The following PRELID2 variants were observed in gnomAD, a reference collection of about 807,000 sequenced individuals.
PRELID2 encodes the protein PRELI domain containing 2, also known as PRELI domain-containing protein 2.
PRELID2 carries 25 observed loss-of-function variants against 28.4 expected under a neutral mutation model. That is an observed-to-expected ratio of 0.88 (90% CI 0.64 to 1.23). The LOEUF (loss-of-function observed/expected upper bound fraction) is 1.23, where lower values mean the gene tolerates loss of function less well. PRELID2 is among the 50% of genes most tolerant of loss of function. The pLI, the probability that PRELID2 is intolerant of heterozygous loss-of-function variation, is 0.00. For missense variants in PRELID2, 201 were observed against 214.4 expected (o/e 0.94, Z 0.39); for synonymous variants, 76 against 71.6 (o/e 1.06, Z -0.31).
At chr5:145,409,564 T>C in the PRELID2 span, among the ~76,000 whole-genome samples, 1 of 151,590 alleles carries the variant, frequency 6.6e-6, no homozygotes, top group African/African-American at 2.4e-5. Context: ...AAACAAGCAA[T>C]AGTAGCTATT....
the PRELID2 span, among the ~76,000 whole-genome samples, chr5:145,382,015 G>T: frequency 2.6e-5 from 4 of 151,324 alleles, no homozygotes; most frequent in African/African-American, 9.7e-5. Flanking sequence ...ACTTTAAAGT[G>T]GGGGGTAGTC....
chr5:145,653,791 A>C (rs1166349045), intron 1 of PRELID2, among the ~76,000 whole-genome samples: 1 of 152,226 alleles, frequency 6.6e-6, no homozygotes, highest in Non-Finnish European at 1.5e-5. Context: ...CCACAAGAGA[A>C]AGCAGGAAAG....
chr5:145,591,590 T>A (rs1753227722), intron 1 of PRELID2, among the ~76,000 whole-genome samples: 1 of 152,152 alleles, frequency 6.6e-6, no homozygotes, highest in Non-Finnish European at 1.5e-5. Flanking sequence ...GCACTTTAGC[T>A]GACAAAAATG....
At chr5:145,446,891 A>G in the PRELID2 span, among the ~76,000 whole-genome samples, 1 of 151,870 alleles carries the variant, frequency 6.6e-6, no homozygotes, top group Admixed American at 6.6e-5. Context: ...TACTAGAAAT[A>G]CAAAATTAGC....
chr5:145,648,158 A>G (rs1386099137), intron 1 of PRELID2, among the ~76,000 whole-genome samples: 1 of 152,238 alleles, frequency 6.6e-6, no homozygotes, highest in African/African-American at 2.4e-5. Flanking sequence ...TAGTTCAGTA[A>G]GTCCCTAAAC....
At chr5:145,253,499 C>T in the PRELID2 span, among the ~76,000 whole-genome samples, 1 of 152,036 alleles carries the variant, frequency 6.6e-6, no homozygotes. Flanking sequence ...CATCTGACAT[C>T]CATGCTTTTT....
intron 1 of PRELID2, among the ~76,000 whole-genome samples, chr5:145,631,957 G>GA (rs546471827): frequency 6.6e-6 from 1 of 152,170 alleles, no homozygotes; most frequent in Non-Finnish European, 1.5e-5. Context: ...ATCAGTCTTT[G>GA]AAAATCTGGC....
chr5:145,275,287 G>A, the PRELID2 span, among the ~76,000 whole-genome samples: 3 of 152,064 alleles, frequency 2.0e-5, no homozygotes, highest in African/African-American at 7.2e-5. Flanking sequence ...GAGATGGGGG[G>A]AAGACAGGCA....
At chr5:145,796,195 G>C (rs748789854) in intron 5 of PRELID2, 3 of 313,696 alleles carry the variant, frequency 9.6e-6, no homozygotes, top group Admixed American at 9.4e-5. Context: ...TAGATTATAA[G>C]TATGCTCCAA....
intron 1 of PRELID2, among the ~76,000 whole-genome samples, chr5:145,474,232 C>T (rs892824622): frequency 9.9e-5 from 15 of 152,190 alleles, no homozygotes; most frequent in African/African-American, 2.9e-4. Flanking sequence ...AGAATGTAGA[C>T]GTGATCAGTT....
the PRELID2 span, among the ~76,000 whole-genome samples, chr5:145,288,107 T>G: frequency 5.9e-5 from 9 of 152,134 alleles, no homozygotes; most frequent in Admixed American, 2.6e-4. Context: ...ATCTTCTGGC[T>G]GAGGTACTAT....
chr5:145,611,203 G>T (rs1225828971), intron 1 of PRELID2, among the ~76,000 whole-genome samples: 3 of 151,780 alleles, frequency 2.0e-5, no homozygotes, highest in East Asian at 1.9e-4. Context: ...TTGTTCTGTT[G>T]CCCAGGCTGG....
intron 1 of PRELID2, among the ~76,000 whole-genome samples, chr5:145,660,239 C>T (rs1157520045): frequency 1.3e-5 from 2 of 152,108 alleles, no homozygotes; most frequent in East Asian, 3.9e-4. Context: ...ACAGAAGAGA[C>T]ATCCTGGGAA....
chr5:145,310,896 C>A, the PRELID2 span, among the ~76,000 whole-genome samples: 1 of 151,602 alleles, frequency 6.6e-6, no homozygotes, highest in Non-Finnish European at 1.5e-5. Flanking sequence ...AAATTCCAAT[C>A]TTCCCTTGAA....
At chr5:145,524,552 C>A (rs767661040) in intron 1 of PRELID2, among the ~76,000 whole-genome samples, 1 of 152,200 alleles carries the variant, frequency 6.6e-6, no homozygotes, top group South Asian at 2.1e-4. Context: ...AGAGGGAAAA[C>A]GTGGTTTTGT....
At chr5:145,673,098 A>G (rs1386812146) in intron 1 of PRELID2, among the ~76,000 whole-genome samples, 1 of 152,076 alleles carries the variant, frequency 6.6e-6, no homozygotes, top group Non-Finnish European at 1.5e-5. Flanking sequence ...AGAGAGAACC[A>G]CCTGAGTCAG....
chr5:145,361,620 T>C, the PRELID2 span, among the ~76,000 whole-genome samples: 2 of 152,160 alleles, frequency 1.3e-5, no homozygotes, highest in Admixed American at 1.3e-4. Context: ...CAGAGGGCTA[T>C]TTTTTAAATG....
At chr5:145,499,311 T>TATGGAGAAA (rs1489715422) in intron 1 of PRELID2, among the ~76,000 whole-genome samples, 1 of 152,224 alleles carries the variant, frequency 6.6e-6, no homozygotes. Context: ...TATTTCTGCA[T>TATGGAGAAA]ATGGAGAAAG....
At chr5:145,328,377 T>A in the PRELID2 span, among the ~76,000 whole-genome samples, 1 of 152,174 alleles carries the variant, frequency 6.6e-6, no homozygotes, top group African/African-American at 2.4e-5. Context: ...TCTAAAACGG[T>A]TGAACTAATT....
Sources: allele counts gnomAD v4.1 joint callset (sites outside exome capture counted in the v4.1 genomes callset), GRCh38; gene constraint gnomAD v4.1.1; transcripts MANE v1.5; gene names NCBI Gene and HGNC (gene_info 2026-07-23, HGNC 2026-07-21).